LTK: variants seen among roughly 807,000 people sequenced by gnomAD.
The protein encoded by LTK is leukocyte receptor tyrosine kinase.
LTK carries 117 observed loss-of-function variants against 101.5 expected under a neutral mutation model. The ratio of observed to expected loss-of-function variants is 1.15; its 90% CI spans 0.99 to 1.34. LTK has a LOEUF of 1.34. LTK is among the 40% of genes most tolerant of loss of function. The pLI is 0.00. For synonymous variants in LTK, 563 were observed against 494.2 expected (o/e 1.14, Z -1.85); for missense variants, 1,252 against 1,164.7 (o/e 1.07, Z -1.09).
In LTK at chr15:41,509,045, A is replaced by T. The variant is rs1436598818; in HGVS notation, c.1082T>A (p.Leu361Gln). The T allele has an allele frequency of 8.7e-6, 14 of 1,608,568 alleles. No homozygotes were observed. The highest frequency in any genetic ancestry group is 1.1e-5 in the Non-Finnish European group (13 of 1,177,356). ...GGGGCCAATACCTGCCAGAGGCTGC[A>T]GGAAGAGCTCGCTGCTGGGGTGTAT... Reference protein sequence around the residue: ...SFIHPSSELFLQPLAVTENHG... With the variant: ...SFIHPSSELFQQPLAVTENHG... The change falls in exon 8 of 20, where the codon CTG (leucine) becomes CAG (glutamine). Residue 361 changes from leucine to glutamine, a missense_variant. Transcript: ENST00000263800.
Position 41,511,643 on chromosome 15 carries a change from G to C in LTK, c.658-65C>G, listed in dbSNP as rs1276878621. The C allele has an allele frequency of 9.3e-6, 13 of 1,401,970 alleles. No individual in the cohort carries two copies. The highest frequency in any genetic ancestry group is 6.4e-6 in the Non-Finnish European group (7 of 1,089,048). 86.8% of individuals were successfully genotyped at this position (1,401,970 alleles called of 1,614,324 possible). On this transcript the variant is annotated intron_variant, in intron 5 of 19. Coordinates refer to ENST00000263800, the MANE Select transcript of LTK (RefSeq NM_002344.6). The surrounding 1 kb of genome is among the most constrained non-coding windows in gnomAD (Gnocchi z 5.9). ...CTGTCCAGGGGCACTGCCACTGGGA[G>C]AGGGCTCCCGCCCAGGGGGCCTGGA...
At position 41,511,446 on chromosome 15, in the gene LTK, T is replaced by A. The variant is rs763473710; in HGVS notation, c.790A>T (p.Ser264Cys). The A allele has an allele frequency of 2.6e-3, 3,628 of 1,396,906 alleles. 6 individuals are homozygous for A. Among genetic ancestry groups the A allele is most frequent in the Non-Finnish European group, 3.0e-3 (3,230 of 1,081,468 alleles). 86.5% of individuals were successfully genotyped at this position (1,396,906 alleles called of 1,614,324 possible). ...CCTGCCGCCCCGCCTCTCCCGCCGC[T>A]CCCGGGCGCCTCCGAGCGGTTCTCC... ...KLENRSEAPGSGGRGGAAGGG... is the reference protein window; with the variant it reads ...KLENRSEAPGCGGRGGAAGGG... The change falls in exon 6 of 20, where the codon AGC (serine) becomes TGC (cysteine). Residue 264 changes from serine to cysteine, a missense_variant. By Grantham distance (112) the Ser-to-Cys change is moderately radical (BLOSUM62 -1). Transcript: ENST00000263800. This position sits in a 1 kb window ranked among gnomAD's most constrained non-coding sequence, Gnocchi z 5.9.
rs1001332360 is a variant in LTK, at chr15:41,505,768, C to G, written c.1642G>C (p.Glu548Gln). Residue 548 changes from glutamate to glutamine, a missense_variant, in exon 13 of 20, where the codon GAA becomes CAA. Glu to Gln is a conservative substitution (Grantham distance 29). Transcript: ENST00000263800. ...PLQVAIKTLP[E>Q]LCSPQDELDF... ...AGCTCATCCTGAGGCGAGCAGAGTT[C>G]TGGCAGGGTCTGGGGAGGAAAAGGG... The G allele has an allele frequency of 1.2e-6, 2 of 1,613,750 alleles. No individual in the cohort carries two copies. The highest frequency in any genetic ancestry group is 1.3e-5 in the African/African-American group (1 of 74,930).
At position 41,512,874 on chromosome 15, in the gene LTK, G is replaced by C; in HGVS notation, c.192C>G (p.Thr64=). The C allele has an allele frequency of 1.2e-6, 2 of 1,610,138 alleles. No individual in the cohort carries two copies. The highest frequency in any genetic ancestry group is 1.7e-6 in the Non-Finnish European group (2 of 1,177,844). ...EPASPLNSPG[T]EGSWLFSTCG... is the part of the protein sequence containing the mutation. ...AGGTAGAAAACAGCCAAGACCCCTC[G>C]GTGCCTGAGAGCAAGGAGCGAGGCA... Residue 64 remains threonine, a synonymous_variant, in exon 3 of 20, where the codon ACC becomes ACG. Transcript: ENST00000263800.
Position 41,507,168 on chromosome 15 carries a change from G to T in LTK, c.1468C>A (p.Leu490Ile), listed in dbSNP as rs1566867679. ...AGAGGCCAGGACTGGGCCGGGCCAA[G>T]CCCCACCTGGCAATAATAGGGATTG... Reference protein sequence around the residue: ...APNPYYCQVGLGPAQSWPLPP... With the variant: ...APNPYYCQVGIGPAQSWPLPP... Residue 490 changes from leucine (L) to isoleucine (I), a missense_variant, in exon 11 of 20, where the codon CTT becomes ATT. Transcript: ENST00000263800. The T allele has an allele frequency of 1.9e-6, 3 of 1,613,576 alleles. No homozygotes were observed. The highest frequency in any genetic ancestry group is 1.1e-5 in the South Asian group (1 of 91,070).
rs768896852 is a variant in LTK at position 41,508,187 on chromosome 15, C to A, written c.1131G>T (p.Arg377Ser). Residue 377 changes from arginine to serine, a missense_variant, in exon 9 of 20, where the codon AGG (arginine) becomes AGT (serine). Coordinates refer to ENST00000263800, the MANE Select transcript of LTK (RefSeq NM_002344.6). ...AAGGGCAGTGACTGCAGTTGAGGTG[C>A]CTTCGGATCTCTACCTCTCCGTGGT... is the stretch of plus-strand genomic sequence containing the variant. ...TENHGEVEIR[R>S]HLNCSHCPLR... 4 of 1,613,030 alleles carry A rather than the reference C, an allele frequency of 2.5e-6. No homozygotes were observed. Among genetic ancestry groups the A allele is most frequent in the South Asian group, 2.2e-5 (2 of 90,922 alleles).
chr15:41,513,618 G>C (rs1308143451), intron 1 of LTK, 49 bp downstream of exon 1: 2 of 1,589,238 alleles, frequency 1.3e-6, no homozygotes, highest in East Asian at 2.2e-5. Context: ...CCCAAGCCTA[G>C]GAAAGTGCCT....
Position 41,511,477 on chromosome 15 carries a change from C to A in LTK, c.759G>T (p.Glu253Asp), listed in dbSNP as rs1257947153. ...GCGCCTCCGAGCGGTTCTCCAGTTT[C>A]TCGGGGGAGGCCTGAGTCCGGCCTC... is the stretch of plus-strand genomic sequence containing the variant. ...RDRGRTQASP[E>D]KLENRSEAPG... The change falls in exon 6 of 20, where the codon GAG (glutamate) becomes GAT (aspartate). Residue 253 changes from glutamate (E) to aspartate (D), a missense_variant. Glu to Asp is a conservative substitution (Grantham distance 45). Transcript: ENST00000263800. This position sits in a 1 kb window ranked among gnomAD's most constrained non-coding sequence, Gnocchi z 5.9. 1 of 1,466,662 alleles carries A rather than the reference C, an allele frequency of 6.8e-7. No individual in the cohort carries two copies. The highest frequency in any genetic ancestry group is 8.9e-7 in the Non-Finnish European group (1 of 1,117,526). The allele number at this position is 1,466,662 out of a possible 1,614,324, so 90.9% of individuals were successfully genotyped here.
At chr15:41,509,161 A>G (rs1416930753) in intron 7 of LTK, 32 bp from the exon 8 acceptor site, 13 of 1,339,904 alleles carry the variant, frequency 9.7e-6, no homozygotes, top group Non-Finnish European at 1.3e-5. Context: ...GAGTTTGACT[A>G]CAAAAATGGG....
chr15:41,504,761 G>GGGGA lies in LTK; in HGVS notation c.2120+11_2120+12insTCCC. ...GGAACAGTGGGGAAGGGGAGGGGAA[G>GGGGA]GGTGTTATCACCAGGAATCTGTCTT... On this transcript the variant is annotated intron_variant, in intron 17 of 19. Transcript: ENST00000263800. 1 of 1,608,408 alleles carries GGGGA rather than the reference G, an allele frequency of 6.2e-7. No individual in the cohort carries two copies. Among genetic ancestry groups the GGGGA allele is most frequent in the South Asian group, 1.1e-5 (1 of 89,652 alleles).
chr15:41,513,175 G>C, intron 1 of LTK, 55 bp from the exon 2 acceptor site: 1 of 1,513,466 alleles, frequency 6.6e-7, no homozygotes, highest in Non-Finnish European at 8.8e-7. Context: ...AATAGGATAT[G>C]AAAGAAAGAG....
intron 11 of LTK, 72 bp downstream of exon 11, chr15:41,507,023 A>G (rs2051306976): frequency 7.0e-7 from 1 of 1,436,706 alleles, no homozygotes; most frequent in African/African-American, 1.4e-5. Context: ...CTTATAATTC[A>G]CTACAGCAGG....
chr15:41,506,957 T>C, intron 11 of LTK, 138 bp downstream of exon 11: 2 of 717,768 alleles, frequency 2.8e-6, no homozygotes, highest in Non-Finnish European at 4.6e-6. Flanking sequence ...CTTCTGGAGC[T>C]TCTCAGGGCC....
chr15:41,508,198 C>G lies in LTK; in HGVS notation c.1120G>C (p.Glu374Gln). The G allele has an allele frequency of 6.2e-7, 1 of 1,612,778 alleles. No homozygotes were observed. The highest frequency in any genetic ancestry group is 1.7e-4 in the Middle Eastern group (1 of 6,054). The change falls in exon 9 of 20, where the codon GAG becomes CAG. Residue 374 changes from glutamate to glutamine, a missense_variant. Glu to Gln is a conservative substitution (Grantham distance 29). Transcript: ENST00000263800. ...CTGCAGTTGAGGTGCCTTCGGATCT[C>G]TACCTCTCCGTGGTTCTCGGTGACT... ...LAVTENHGEV[E>Q]IRRHLNCSHC...
At position 41,505,482 on chromosome 15, in the gene LTK, C is replaced by T. The variant is rs372702626; in HGVS notation, c.1746G>A (p.Arg582=). 1.2e-6 allele frequency: 2 copies of T among 1,613,928 alleles called. No homozygotes were observed. The highest frequency in any genetic ancestry group is 1.7e-6 in the Non-Finnish European group (2 of 1,179,996). ...NIVRCVGLSL[R]ATPRLILLEL... ...CCAGCAGAATGAGGCGAGGGGTGGCCCTGAGGCTGAGCCCCACACACCGCA... is the reference window on the plus strand; with the variant it reads ...CCAGCAGAATGAGGCGAGGGGTGGCTCTGAGGCTGAGCCCCACACACCGCA... The change falls in exon 14 of 20, where the codon AGG becomes AGA. Residue 582 remains arginine (R), a synonymous_variant. Coordinates refer to ENST00000263800, the MANE Select transcript of LTK (RefSeq NM_002344.6).
In LTK at chr15:41,511,190, G is replaced by A; in HGVS notation, c.971C>T (p.Ala324Val). 4 of 1,403,086 alleles carry A rather than the reference G, an allele frequency of 2.9e-6. No homozygotes were observed. The highest frequency in any genetic ancestry group is 3.0e-5 in the East Asian group (1 of 33,808). The allele number at this position is 1,403,086 out of a possible 1,614,324, so 86.9% of individuals were successfully genotyped here. ...GFGGGGGACT[A>V]GGGGGGYRGG... is the part of the protein sequence containing the mutation. Reference sequence around the variant, plus strand: ...CCTGTAGCCGCCGCCGCCTCCGCCCGCAGTGCAGGCCCCGCCGCCGCCCCC... The same window carrying A: ...CCTGTAGCCGCCGCCGCCTCCGCCCACAGTGCAGGCCCCGCCGCCGCCCCC... The change falls in exon 7 of 20, where the codon GCG (alanine) becomes GTG (valine). Residue 324 changes from alanine (A) to valine (V), a missense_variant. Ala to Val is a moderately conservative substitution (Grantham distance 64). Coordinates refer to ENST00000263800, the MANE Select transcript of LTK (RefSeq NM_002344.6). The surrounding 1 kb of genome is among the most constrained non-coding windows in gnomAD (Gnocchi z 5.9).
At chr15:41,509,863 A>C (rs866496338) in intron 7 of LTK, among the ~76,000 whole-genome samples, 1 of 152,156 alleles carries the variant, frequency 6.6e-6, no homozygotes, top group Non-Finnish European at 1.5e-5. Flanking sequence ...CCATCTAAAA[A>C]AAAAATTCAT....
At position 41,507,671 on chromosome 15, in the gene LTK, G is replaced by C; in HGVS notation, c.1250-14C>G. 1 of 1,609,952 alleles carries C rather than the reference G, an allele frequency of 6.2e-7. No homozygotes were observed. The highest frequency in any genetic ancestry group is 8.5e-7 in the Non-Finnish European group (1 of 1,178,358). The stretch of plus-strand genomic sequence containing the variant: ...GCTTGTGCAGGTCTAGGGAGAAAGA[G>C]AGACACCTCCAGTGGGAAGGTCTTC... On this transcript the variant is annotated splice_polypyrimidine_tract_variant and intron_variant, in intron 9 of 19. Coordinates refer to ENST00000263800, the MANE Select transcript of LTK (RefSeq NM_002344.6).
Position 41,511,797 on chromosome 15 carries a change from G to A in LTK, c.657+20C>T, listed in dbSNP as rs567952480. 4 of 1,487,918 alleles carry A rather than the reference G, an allele frequency of 2.7e-6. No homozygotes were observed. The highest frequency in any genetic ancestry group is 5.5e-5 in the East Asian group (2 of 36,334). The allele number at this position is 1,487,918 out of a possible 1,614,324, so 92.2% of individuals were successfully genotyped here. A position where few individuals can be genotyped will look rare whatever the true frequency, so the allele number is the denominator to read the frequency against. ...GAGAGGATTGGGACCCCAACGCTGA[G>A]CGCCGAAGGGAGCACGTACCCGGAA... is the stretch of plus-strand genomic sequence containing the variant. On this transcript the variant is annotated intron_variant, in intron 5 of 19. Coordinates refer to ENST00000263800, the MANE Select transcript of LTK (RefSeq NM_002344.6). This position sits in a 1 kb window ranked among gnomAD's most constrained non-coding sequence, Gnocchi z 5.9.
Sources: allele counts gnomAD v4.1 joint callset (sites outside exome capture counted in the v4.1 genomes callset), GRCh38; gene constraint gnomAD v4.1.1; non-coding constraint Gnocchi (gnomAD v3.1); transcripts MANE v1.5; gene names NCBI Gene and HGNC (gene_info 2026-07-23, HGNC 2026-07-21).